The following QTMAN variants were observed in gnomAD, a reference collection of about 807,000 sequenced individuals.
The protein encoded by QTMAN is queuosine-tRNA mannosyltransferase, also known as tRNA-queuosine alpha-mannosyltransferase.
the QTMAN span, among the ~76,000 whole-genome samples, chr2:144,074,866 C>A: frequency 6.6e-6 from 1 of 152,274 alleles, no homozygotes; most frequent in East Asian, 1.9e-4. Context: ...ATGATCATTA[C>A]CTCAATAAAA....
At chr2:144,181,966 C>G in the QTMAN span, among the ~76,000 whole-genome samples, 1 of 150,570 alleles carries the variant, frequency 6.6e-6, no homozygotes, top group African/African-American at 2.4e-5. Context: ...CAAATTCAGA[C>G]TCTGAAAAAA....
chr2:144,135,012 G>A, the QTMAN span, among the ~76,000 whole-genome samples: 1 of 152,074 alleles, frequency 6.6e-6, no homozygotes, highest in Non-Finnish European at 1.5e-5. Flanking sequence ...CTCGCTTCAC[G>A]TTTAATCCAG....
the QTMAN span, among the ~76,000 whole-genome samples, chr2:144,308,162 GTTTTTTTTTT>G: frequency 3.0e-4 from 33 of 110,838 alleles, no homozygotes; most frequent in African/African-American, 1.1e-3. Flanking sequence ...ATGATTGGTT[GTTTTTTTTTT>G]TTTTTTTTTT....
the QTMAN span, among the ~76,000 whole-genome samples, chr2:143,948,050 A>C: frequency 6.6e-6 from 1 of 152,198 alleles, no homozygotes; most frequent in South Asian, 2.1e-4. Flanking sequence ...GGAAAAAGTA[A>C]GGACTCTGGA....
At chr2:144,317,406 G>GAAGGAAGGAAGGAAGA in the QTMAN span, 1 of 151,122 alleles carries the variant, frequency 6.6e-6, no homozygotes, top group Non-Finnish European at 1.5e-5. Flanking sequence ...AGGAAGGAAG[G>GAAGGAAGGAAGGAAGA]AAGGAAGGAA....
At chr2:144,025,252 G>A in the QTMAN span, among the ~76,000 whole-genome samples, 1 of 152,148 alleles carries the variant, frequency 6.6e-6, no homozygotes, top group Non-Finnish European at 1.5e-5. Context: ...CTGGATGGCT[G>A]CCAAACAGCC....
the QTMAN span, among the ~76,000 whole-genome samples, chr2:144,181,923 T>C: frequency 2.0e-5 from 3 of 152,166 alleles, no homozygotes; most frequent in African/African-American, 7.2e-5. Context: ...ATTAAACACA[T>C]GAAGAGCTCT....
the QTMAN span, among the ~76,000 whole-genome samples, chr2:144,206,016 T>C: frequency 1.3e-5 from 2 of 152,224 alleles, no homozygotes; most frequent in African/African-American, 4.8e-5. Flanking sequence ...CATGATATAT[T>C]CTTTTAGTTG....
At chr2:144,167,426 G>T in the QTMAN span, among the ~76,000 whole-genome samples, 2 of 152,076 alleles carry the variant, frequency 1.3e-5, no homozygotes, top group Non-Finnish European at 2.9e-5. Context: ...TACACTAATT[G>T]ATACGGTTTG....
the QTMAN span, chr2:143,939,000 G>A: frequency 6.6e-6 from 1 of 152,234 alleles, no homozygotes; most frequent in South Asian, 2.1e-4. Flanking sequence ...TTCCAGGGAA[G>A]TAGATTAGCA....
the QTMAN span, among the ~76,000 whole-genome samples, chr2:144,052,343 A>G: frequency 6.6e-6 from 1 of 152,224 alleles, no homozygotes; most frequent in Non-Finnish European, 1.5e-5. Context: ...AAGGCCAGCA[A>G]GGAGATTACT....
At chr2:144,139,556 A>G in the QTMAN span, among the ~76,000 whole-genome samples, 1 of 152,226 alleles carries the variant, frequency 6.6e-6, no homozygotes, top group African/African-American at 2.4e-5. Flanking sequence ...ACATGTATAC[A>G]TGACTACGGC....
At chr2:144,097,943 C>A in the QTMAN span, among the ~76,000 whole-genome samples, 2 of 152,188 alleles carry the variant, frequency 1.3e-5, no homozygotes, top group Non-Finnish European at 2.9e-5. Flanking sequence ...ATCTCTAAGT[C>A]CTCCATGCGG....
chr2:144,079,435 T>TA, the QTMAN span, among the ~76,000 whole-genome samples: 1 of 152,146 alleles, frequency 6.6e-6, no homozygotes, highest in Non-Finnish European at 1.5e-5. Context: ...AATTTAAAAA[T>TA]ATTATAGATT....
chr2:144,116,804 T>C, the QTMAN span, among the ~76,000 whole-genome samples: 8 of 152,214 alleles, frequency 5.3e-5, no homozygotes, highest in African/African-American at 1.9e-4. Context: ...GTTTCCGTTT[T>C]ACAGATAAGA....
At chr2:144,052,974 T>TGGATACA in the QTMAN span, among the ~76,000 whole-genome samples, 1 of 152,172 alleles carries the variant, frequency 6.6e-6, no homozygotes, top group Admixed American at 6.5e-5. Context: ...TTTTGGGTTA[T>TGGATACA]GGATACACAG....
At chr2:144,218,861 T>A in the QTMAN span, among the ~76,000 whole-genome samples, 2 of 111,300 alleles carry the variant, frequency 1.8e-5, no homozygotes, top group African/African-American at 3.6e-5. Context: ...TAATGAAAAA[T>A]GAAAAGGCCA....
chr2:144,055,420 T>C, the QTMAN span, among the ~76,000 whole-genome samples: 1 of 151,792 alleles, frequency 6.6e-6, no homozygotes, highest in Non-Finnish European at 1.5e-5. Flanking sequence ...TTTTTTTTTT[T>C]AGGTAATTAA....
At chr2:144,240,433 T>C in the QTMAN span, among the ~76,000 whole-genome samples, 1 of 152,204 alleles carries the variant, frequency 6.6e-6, no homozygotes, top group African/African-American at 2.4e-5. Flanking sequence ...ACTTATACAC[T>C]TCTGGGTGCA....
Sources: allele counts gnomAD v4.1 joint callset (sites outside exome capture counted in the v4.1 genomes callset), GRCh38; gene constraint gnomAD v4.1.1; transcripts MANE v1.5; gene names NCBI Gene and HGNC (gene_info 2026-07-23, HGNC 2026-07-21).